The following CT47C1 variants were observed in gnomAD, a reference collection of about 807,000 sequenced individuals.
The protein encoded by CT47C1 is cancer/testis antigen family 47 member A11 pseudogene.
At chrX:119,073,520 G>C in the CT47C1 span, 1 of 515,486 alleles carries the variant, frequency 1.9e-6, no homozygotes, top group Non-Finnish European at 3.5e-6. Flanking sequence ...GGAAGAGGAG[G>C]AGGAGGAGGA....
the CT47C1 span, chrX:119,073,960 G>T: frequency 1.3e-6 from 1 of 765,546 alleles, no homozygotes. Flanking sequence ...AGCCCACAGA[G>T]GAGGCCGCAG....
chrX:119,075,118 G>T, the CT47C1 span: 9 of 1,076,659 alleles, frequency 8.4e-6, no homozygotes, highest in South Asian at 5.7e-5. Context: ...TCCAGGTATC[G>T]GTGTATAGCT....
chrX:119,073,736 C>T, the CT47C1 span: 4 of 769,827 alleles, frequency 5.2e-6, no homozygotes, highest in African/African-American at 2.1e-5. Context: ...AGAGCCCCGG[C>T]TGTTGCTGGT....
the CT47C1 span, chrX:119,075,207 T>C: frequency 2.0e-6 from 2 of 975,715 alleles, no homozygotes; most frequent in African/African-American, 2.0e-5. Context: ...AGTAAATTAA[T>C]TAAGAAAAGG....
chrX:119,073,466 A>T, the CT47C1 span: 1 of 512,197 alleles, frequency 2.0e-6, no homozygotes. Flanking sequence ...CTCAGAGATC[A>T]GGATAGTAGT....
At chrX:119,074,927 T>A in the CT47C1 span, 4 of 1,015,291 alleles carry the variant, frequency 3.9e-6, no homozygotes, top group Non-Finnish European at 4.1e-6. Flanking sequence ...TGTGAATGTC[T>A]GGTCCCAACA....
the CT47C1 span, chrX:119,074,115 G>A: frequency 2.1e-6 from 1 of 485,563 alleles, no homozygotes; most frequent in Non-Finnish European, 3.6e-6. Context: ...GGGGAGACAG[G>A]GACCCGTGCA....
At chrX:119,074,717 G>A in the CT47C1 span, among the ~76,000 whole-genome samples, 5,320 of 110,580 alleles carry the variant, frequency 0.048, 316 homozygotes, top group African/African-American at 0.17. Flanking sequence ...GCAGCTTTGG[G>A]TGGGAGATTT....
the CT47C1 span, among the ~76,000 whole-genome samples, chrX:119,074,558 T>A: frequency 9.0e-6 from 1 of 111,135 alleles, no homozygotes; most frequent in Admixed American, 9.5e-5. Flanking sequence ...AAATGAAACA[T>A]TCAGGGGGGT....
At chrX:119,073,144 C>G in the CT47C1 span, 1 of 431,902 alleles carries the variant, frequency 2.3e-6, no homozygotes, top group Middle Eastern at 3.6e-4. Context: ...CTCCCCTCAG[C>G]CACAGCCACA....
At chrX:119,075,731 C>CTTTTTTTTTTTTTT in the CT47C1 span, among the ~76,000 whole-genome samples, 2 of 87,158 alleles carry the variant, frequency 2.3e-5, no homozygotes, top group Non-Finnish European at 4.7e-5. Flanking sequence ...TTTCTTTTTT[C>CTTTTTTTTTTTTTT]TTTTTTTTTT....
chrX:119,075,951 T>G, the CT47C1 span, among the ~76,000 whole-genome samples: 1 of 112,109 alleles, frequency 8.9e-6, no homozygotes, highest in East Asian at 2.8e-4. Flanking sequence ...ACAAGGTTGG[T>G]GTGATCATTT....
chrX:119,076,670 C>T, the CT47C1 span, among the ~76,000 whole-genome samples: 3 of 112,276 alleles, frequency 2.7e-5, no homozygotes, highest in African/African-American at 6.5e-5. Flanking sequence ...TTGATATGTG[C>T]TGTAAGTGTG....
chrX:119,075,294 T>C, the CT47C1 span, among the ~76,000 whole-genome samples: 2 of 112,765 alleles, frequency 1.8e-5, no homozygotes. Flanking sequence ...TGAACTGCAG[T>C]GTGTTCTGAA....
chrX:119,075,224 T>C, the CT47C1 span: 10 of 943,171 alleles, frequency 1.1e-5, no homozygotes, highest in Non-Finnish European at 1.4e-5. Flanking sequence ...AAGGTTTTAG[T>C]TTAAAAATTC....
chrX:119,073,923 A>AGG, the CT47C1 span: 63 of 823,098 alleles, frequency 7.7e-5, no homozygotes, highest in African/African-American at 1.2e-3. Context: ...GAGGCCGCAG[A>AGG]AGAGCCCGCA....
chrX:119,073,513 AGAGGAG>A, the CT47C1 span: 7 of 512,906 alleles, frequency 1.4e-5, no homozygotes, highest in African/African-American at 6.9e-5. Flanking sequence ...AGGAGGAGGA[AGAGGAG>A]GAGGAGGAGG....
the CT47C1 span, chrX:119,074,050 G>A: frequency 8.8e-5 from 47 of 532,503 alleles, no homozygotes; most frequent in South Asian, 5.7e-4. Context: ...CAGAGGAACC[G>A]GCCACAGAGG....
chrX:119,073,835 G>A, the CT47C1 span: 2 of 880,290 alleles, frequency 2.3e-6, no homozygotes, highest in South Asian at 2.0e-5. Context: ...AGAGCCTGAG[G>A]TGCCAGCAGA....
Sources: allele counts gnomAD v4.1 joint callset (sites outside exome capture counted in the v4.1 genomes callset), GRCh38; gene constraint gnomAD v4.1.1; transcripts MANE v1.5; gene names NCBI Gene and HGNC (gene_info 2026-07-23, HGNC 2026-07-21).